RPS6KA2: variants seen among roughly 807,000 people sequenced by gnomAD.
RPS6KA2 encodes ribosomal protein S6 kinase A2.
RPS6KA2 carries 42 observed loss-of-function variants against 91.8 expected under a neutral mutation model. The observed-to-expected ratio is 0.46, with a 90% confidence interval of 0.36 to 0.59. RPS6KA2 has a LOEUF of 0.59. Ranked by LOEUF, RPS6KA2 falls within the 20% of genes least tolerant of loss-of-function variation. The pLI is 0.00. For synonymous variants in RPS6KA2, 414 were observed against 393.6 expected, an observed-to-expected ratio of 1.05 and a Z score of -0.61; for missense variants, 798 against 978.5, an observed-to-expected ratio of 0.82 and a Z score of 2.46.
Position 166,411,772 on chromosome 6 carries a change from C to G in RPS6KA2, c.*990G>C, listed in dbSNP as rs1778313573. ...TGTCTCCCTCCAGCCTCCAGCTGGA[C>G]TGAGAAGGTTTGGGTGGGAAGCCAC... On this transcript the variant is annotated 3_prime_UTR_variant, in exon 21 of 21. Transcript: ENST00000265678. The surrounding 1 kb of genome is among the most constrained non-coding windows in gnomAD (Gnocchi z 4.5). 1.3e-5 allele frequency: 2 copies of G among 152,444 alleles called. No individual in the cohort carries two copies. The highest frequency in any genetic ancestry group is 6.5e-5 in the Admixed American group (1 of 15,282). The allele number at this position is 152,444 out of a possible 1,614,324, so 9.4% of individuals were successfully genotyped here.
At chr6:166,710,606 T>C (rs1405078030) in intron 2 of RPS6KA2, among the ~76,000 whole-genome samples, 1 of 152,098 alleles carries the variant, frequency 6.6e-6, no homozygotes, top group African/African-American at 2.4e-5. Flanking sequence ...GATTACATCC[T>C]GGAGGTGCAT....
chr6:166,703,835 A>AT (rs201317465), intron 2 of RPS6KA2, among the ~76,000 whole-genome samples: 401 of 152,302 alleles, frequency 2.6e-3, no homozygotes, highest in African/African-American at 9.2e-3. Flanking sequence ...ACTTTAAGGG[A>AT]TTTTTTCCAC....
Position 166,451,083 on chromosome 6 carries a change from C to T in RPS6KA2, c.1206+20G>A. The T allele has an allele frequency of 3.1e-6, 5 of 1,613,716 alleles. No individual in the cohort carries two copies. Among genetic ancestry groups the T allele is most frequent in the Non-Finnish European group, 4.2e-6 (5 of 1,179,734 alleles). On this transcript the variant is annotated intron_variant, in intron 13 of 20. Transcript: ENST00000265678. ...CAAGTGCCCTCTTACCCCCAACCCA[C>T]TGCAGGCAAACACAGTTACCTGCAC... is the stretch of plus-strand genomic sequence containing the variant.
intron 2 of RPS6KA2, among the ~76,000 whole-genome samples, chr6:166,681,821 G>C (rs891531455): frequency 1.3e-5 from 2 of 151,760 alleles, no homozygotes; most frequent in African/African-American, 4.9e-5. Flanking sequence ...CAGGTGCCTA[G>C]AATGTTAATG....
chr6:166,449,096 G>A (rs771061485), intron 13 of RPS6KA2, among the ~76,000 whole-genome samples: 7 of 152,168 alleles, frequency 4.6e-5, no homozygotes, highest in Non-Finnish European at 7.4e-5. Flanking sequence ...GCCGTTCTGT[G>A]TCCACTGGCT....
At chr6:166,640,217 A>C in intron 2 of RPS6KA2, among the ~76,000 whole-genome samples, 1 of 135,702 alleles carries the variant, frequency 7.4e-6, no homozygotes, top group Non-Finnish European at 1.6e-5. Context: ...GTAGCTTAAA[A>C]AGGAAAAAAA....
chr6:166,449,294 C>G (rs1779775894), intron 13 of RPS6KA2, among the ~76,000 whole-genome samples: 1 of 152,120 alleles, frequency 6.6e-6, no homozygotes, highest in African/African-American at 2.4e-5. Context: ...AGCAGCCCCA[C>G]CCACCCGCTC....
intron 2 of RPS6KA2, among the ~76,000 whole-genome samples, chr6:166,714,677 A>G (rs1355262986): frequency 2.0e-5 from 3 of 152,204 alleles, no homozygotes; most frequent in Non-Finnish European, 2.9e-5. Flanking sequence ...CTGAAGCACC[A>G]GAAGCAAAGA....
intron 19 of RPS6KA2, among the ~76,000 whole-genome samples, chr6:166,414,159 T>TTAAA (rs1483522025): frequency 6.6e-6 from 1 of 152,264 alleles, no homozygotes; most frequent in African/African-American, 2.4e-5. Flanking sequence ...TTATCTTTTA[T>TTAAA]TAAATATTTC....
chr6:166,464,954 C>T (rs1780464535), intron 11 of RPS6KA2, among the ~76,000 whole-genome samples: 1 of 151,882 alleles, frequency 6.6e-6, no homozygotes. Flanking sequence ...ACTGAAGACC[C>T]CGGGGACAGC....
chr6:166,702,059 C>G (rs146870042), intron 2 of RPS6KA2: 2 of 1,201,352 alleles, frequency 1.7e-6, no homozygotes, highest in South Asian at 1.2e-5. Flanking sequence ...AATAGACTTA[C>G]AAGCCGCAGA....
intron 12 of RPS6KA2, among the ~76,000 whole-genome samples, chr6:166,455,066 T>C (rs1583157807): frequency 6.6e-6 from 1 of 152,066 alleles, no homozygotes; most frequent in African/African-American, 2.4e-5. Flanking sequence ...GTGTGCATAT[T>C]TGTATATTCG....
chr6:166,711,754 C>CATAA (rs1789860873), intron 2 of RPS6KA2, among the ~76,000 whole-genome samples: 1 of 147,172 alleles, frequency 6.8e-6, no homozygotes, highest in South Asian at 2.3e-4. Context: ...TAAGAAAGAA[C>CATAA]ATAAATAAAT....
At chr6:166,607,140 C>CAAAAA (rs35281961) in intron 1 of RPS6KA2, among the ~76,000 whole-genome samples, 1 of 97,882 alleles carries the variant, frequency 1.0e-5, no homozygotes, top group Admixed American at 1.1e-4. Flanking sequence ...AAAACTCCGT[C>CAAAAA]AAAAAAAAAA....
chr6:166,696,236 G>A (rs1423592519), intron 2 of RPS6KA2, among the ~76,000 whole-genome samples: 2 of 152,186 alleles, frequency 1.3e-5, no homozygotes, highest in East Asian at 3.9e-4. Context: ...GCAGCCCCAC[G>A]TGAGATCTGG....
chr6:166,840,715 G>C (rs1780449354), intron 2 of RPS6KA2, among the ~76,000 whole-genome samples: 1 of 152,218 alleles, frequency 6.6e-6, no homozygotes, highest in African/African-American at 2.4e-5. Context: ...GCTCACGCCT[G>C]TAATCCCAGG....
At position 166,510,355 on chromosome 6, in the gene RPS6KA2, G is replaced by A. The variant is rs371650855; in HGVS notation, c.301C>T (p.Arg101Trp). ...KVLKKATLKV[R>W]DRVRSKMERD... ...TCCATCTTCGATCTCACTCGGTCCCGAACTGCAAAGTAAAAAGATAAAGGC... is the reference window on the plus strand; with the variant it reads ...TCCATCTTCGATCTCACTCGGTCCCAAACTGCAAAGTAAAAAGATAAAGGC... Residue 101 changes from arginine to tryptophan, a missense_variant and splice_region_variant, in exon 4 of 21, where the codon CGG becomes TGG. By Grantham distance (101) the Arg-to-Trp change is moderately radical. Coordinates refer to ENST00000265678, the MANE Select transcript of RPS6KA2 (RefSeq NM_021135.6). 8 of 1,582,254 alleles carry A rather than the reference G, an allele frequency of 5.1e-6. No individual in the cohort carries two copies. Among genetic ancestry groups the A allele is most frequent in the South Asian group, 3.4e-5 (3 of 87,438 alleles).
At chr6:166,715,647 A>G (rs6456106) in intron 2 of RPS6KA2, among the ~76,000 whole-genome samples, 58,094 of 151,980 alleles carry the variant, frequency 0.38, 15,041 homozygotes, top group African/African-American at 0.75. Context: ...CACCGAGGCT[A>G]TCTGGTGTAG....
exon 1 of RPS6KA2, chr6:166,862,312 G>C: frequency 1.3e-6 from 2 of 1,531,234 alleles, no homozygotes; most frequent in Non-Finnish European, 1.8e-6. Context: ...GCGATGGAGA[G>C]GACAGATCCG....
Sources: gnomAD v4.1 joint callset for allele counts (sites outside exome capture counted in the v4.1 genomes callset) on GRCh38, gnomAD v4.1.1 for gene constraint, Gnocchi (gnomAD v3.1) non-coding constraint, MANE v1.5 for transcripts, NCBI Gene and HGNC (gene_info 2026-07-23, HGNC 2026-07-21) for gene names.